ARHGEF28: variants seen among roughly 807,000 people sequenced by gnomAD.
ARHGEF28 encodes the protein Rho guanine nucleotide exchange factor 28, also known as 190 kDa guanine nucleotide exchange factor.
Under a neutral mutation model 206.6 loss-of-function variants are expected in ARHGEF28, and 152 were observed. The observed-to-expected ratio is 0.74, with a 90% CI of 0.64 to 0.84. The LOEUF is 0.84. Among genes scored for constraint, ARHGEF28 ranks in the 40% least tolerant of loss-of-function variants. The pLI is 0.00. For missense variants in ARHGEF28, 2,028 were observed against 2,073.2 expected (o/e 0.98, Z 0.42); for synonymous variants, 763 against 776.4 (o/e 0.98, Z 0.29).
At chr5:73,773,817 TGGA>T in intron 4 of ARHGEF28, 35 bp from the exon 5 acceptor site, 1 of 1,503,538 alleles carries the variant, frequency 6.7e-7, no homozygotes, top group Non-Finnish European at 8.9e-7. Flanking sequence ...ACTTTGTAAA[TGGA>T]GGAACTAATA....
chr5:73,787,327 TG>T (rs1266857114), intron 7 of ARHGEF28, among the ~76,000 whole-genome samples: 4 of 152,316 alleles, frequency 2.6e-5, no homozygotes, highest in Non-Finnish European at 4.4e-5. Flanking sequence ...AGGGTATTTT[TG>T]GCATTTTCAA....
chr5:73,766,259 G>C (rs1752896640), intron 4 of ARHGEF28, among the ~76,000 whole-genome samples: 1 of 152,082 alleles, frequency 6.6e-6, no homozygotes, highest in African/African-American at 2.4e-5. Flanking sequence ...ACATTACTTA[G>C]CCCTAAAAAA....
intron 22 of ARHGEF28, among the ~76,000 whole-genome samples, chr5:73,880,390 A>G (rs1448926650): frequency 1.3e-5 from 2 of 152,136 alleles, no homozygotes; most frequent in Admixed American, 6.5e-5. Flanking sequence ...CAAGTGAGGC[A>G]ATGCCTCGCC....
intron 9 of ARHGEF28, among the ~76,000 whole-genome samples, chr5:73,823,397 A>AT (rs1252306390): frequency 6.6e-6 from 1 of 152,208 alleles, no homozygotes; most frequent in Non-Finnish European, 1.5e-5. Flanking sequence ...TCAGATTCTT[A>AT]TTTTAGGTCT....
chr5:73,709,675 C>A (rs1478111222), intron 2 of ARHGEF28, among the ~76,000 whole-genome samples: 1 of 152,160 alleles, frequency 6.6e-6, no homozygotes, highest in Non-Finnish European at 1.5e-5. Flanking sequence ...AGAAACACTG[C>A]ACCTGGGGTA....
At chr5:73,925,716 C>T (rs915206132) in intron 35 of ARHGEF28, among the ~76,000 whole-genome samples, 5 of 151,824 alleles carry the variant, frequency 3.3e-5, no homozygotes, top group African/African-American at 1.2e-4. Context: ...ACACTTTGTG[C>T]CTTTTGGGGC....
At chr5:73,773,810 T>G in intron 4 of ARHGEF28, 45 bp from the exon 5 acceptor site, 1 of 1,488,692 alleles carries the variant, frequency 6.7e-7, no homozygotes, top group Non-Finnish European at 9.0e-7. Context: ...AAAACAAACT[T>G]TGTAAATGGA....
At chr5:73,801,287 C>G (rs755423923) in intron 9 of ARHGEF28, among the ~76,000 whole-genome samples, 6 of 151,436 alleles carry the variant, frequency 4.0e-5, no homozygotes, top group Non-Finnish European at 8.8e-5. Context: ...TCTACTAAAA[C>G]TACAAAAAAA....
chr5:73,634,735 T>TA (rs1743589729), intron 1 of ARHGEF28, among the ~76,000 whole-genome samples: 1 of 152,212 alleles, frequency 6.6e-6, no homozygotes, highest in East Asian at 1.9e-4. Context: ...TACAATGGAC[T>TA]TTCTCACTTA....
At chr5:73,870,347 G>T (rs188038488) in intron 21 of ARHGEF28, 138 bp downstream of exon 21, 1 of 1,083,536 alleles carries the variant, frequency 9.2e-7, no homozygotes, top group East Asian at 2.6e-5. Flanking sequence ...AAATTATTTA[G>T]ATCACCTAGA....
intron 35 of ARHGEF28, among the ~76,000 whole-genome samples, chr5:73,912,682 T>G (rs928489187): frequency 2.6e-5 from 4 of 152,206 alleles, no homozygotes; most frequent in African/African-American, 9.6e-5. Flanking sequence ...CAGATATTCT[T>G]TAGGTAAAGA....
chr5:73,782,943 T>A lies in ARHGEF28; in HGVS notation c.910+2198T>A, dbSNP rs1339533741. ...TTACCTTGTTGCTTATTTAAGCCTCTGCCCTTACTTTTTCTTTTTTAAAAT... is the reference window on the plus strand; with the variant it reads ...TTACCTTGTTGCTTATTTAAGCCTCAGCCCTTACTTTTTCTTTTTTAAAAT... On this transcript the variant is annotated intron_variant, in intron 7 of 35. Coordinates refer to ENST00000513042, the MANE Select transcript of ARHGEF28 (RefSeq NM_001177693.2). Among the ~76,000 whole-genome samples, 4 of 152,240 alleles carry A rather than the reference T, an allele frequency of 2.6e-5. No homozygotes were observed. In the East Asian group the frequency reaches 7.7e-4, roughly 29 times the overall value.
chr5:73,856,165 G>T (rs56143740), intron 14 of ARHGEF28, among the ~76,000 whole-genome samples: 3,118 of 152,270 alleles, frequency 0.02, 101 homozygotes, highest in African/African-American at 0.068. Flanking sequence ...AAATTAGGAT[G>T]TGTAAGACAC....
At position 73,898,323 on chromosome 5, in the gene ARHGEF28, T is replaced by C. The variant is rs560644489; in HGVS notation, c.3973+230T>C. 2.0e-5 allele frequency: 7 copies of C among 354,344 alleles called. 1 individual carries two copies. The South Asian group carries it at 2.7e-4, about 14-fold the overall frequency. 21.9% of individuals were successfully genotyped at this position (354,344 alleles called of 1,614,324 possible). On this transcript the variant is annotated intron_variant, in intron 30 of 35. Transcript: ENST00000513042. ...GATCTAAAGAGTAGTTGGTGGGTTATACTGCTCTGTTTGCCGGCCAAATAT... is the reference window on the plus strand; with the variant it reads ...GATCTAAAGAGTAGTTGGTGGGTTACACTGCTCTGTTTGCCGGCCAAATAT...
intron 9 of ARHGEF28, among the ~76,000 whole-genome samples, chr5:73,811,819 C>T (rs955799731): frequency 6.6e-6 from 1 of 151,956 alleles, no homozygotes; most frequent in African/African-American, 2.4e-5. Context: ...CACATCTCTA[C>T]TAAAAATACA....
chr5:73,717,457 T>A (rs1300364534), intron 2 of ARHGEF28, among the ~76,000 whole-genome samples: 1 of 152,176 alleles, frequency 6.6e-6, no homozygotes, highest in Non-Finnish European at 1.5e-5. Flanking sequence ...CACCATCTAG[T>A]CCTTTCTGGG....
intron 2 of ARHGEF28, among the ~76,000 whole-genome samples, chr5:73,720,070 T>A (rs1749842928): frequency 6.6e-6 from 1 of 152,230 alleles, no homozygotes; most frequent in Non-Finnish European, 1.5e-5. Flanking sequence ...AAATAAAAAA[T>A]GAGTTCCTAT....
At chr5:73,738,616 T>C (rs185791754) in intron 2 of ARHGEF28, among the ~76,000 whole-genome samples, 1 of 152,140 alleles carries the variant, frequency 6.6e-6, no homozygotes, top group African/African-American at 2.4e-5. Flanking sequence ...CAAGGGGAAC[T>C]GTCTCCAGCT....
intron 33 of ARHGEF28, among the ~76,000 whole-genome samples, chr5:73,907,011 G>A (rs1318758150): frequency 6.6e-6 from 1 of 152,088 alleles, no homozygotes; most frequent in Non-Finnish European, 1.5e-5. Context: ...TTGGCTTACT[G>A]CTTAGGCTAG....
Sources: allele counts gnomAD v4.1 joint callset (sites outside exome capture counted in the v4.1 genomes callset), GRCh38; gene constraint gnomAD v4.1.1; transcripts MANE v1.5; gene names NCBI Gene and HGNC (gene_info 2026-07-23, HGNC 2026-07-21).